The following AMELY variants were observed in gnomAD, a reference collection of about 807,000 sequenced individuals.
AMELY encodes amelogenin, Y isoform.
A neutral mutation model predicts 4.2 loss-of-function variants in AMELY; 4 were observed. The ratio of observed to expected loss-of-function variants is 0.96; its 90% CI spans 0.47 to 2.19. AMELY has a LOEUF of 2.19. Ranked by LOEUF, AMELY falls within the 30% of genes most tolerant of loss-of-function variation. AMELY has a pLI of 0.02. For missense variants in AMELY, 32 were observed against 41.5 expected (o/e 0.77, Z 0.63); for synonymous variants, 11 against 14.7 (o/e 0.75, Z 0.57).
chrY:6,905,156 G>A, intron 1 of AMELY, among the ~76,000 whole-genome samples: 6 of 33,503 alleles, frequency 1.8e-4, no homozygotes, highest in African/African-American at 7.0e-4. Context: ...CTTGATTAAT[G>A]GGCTGGAGTA....
At chrY:6,876,366 A>G in intron 1 of AMELY, among the ~76,000 whole-genome samples, 1 of 33,445 alleles carries the variant, frequency 3.0e-5, no homozygotes, top group South Asian at 6.8e-4. Context: ...AATATGTACA[A>G]CTTCCATGGA....
intron 1 of AMELY, among the ~76,000 whole-genome samples, chrY:6,877,464 A>G: frequency 3.0e-5 from 1 of 33,021 alleles, no homozygotes; most frequent in Non-Finnish European, 7.4e-5. Context: ...ATTGCCACAG[A>G]TGACACCCAT....
intron 1 of AMELY, among the ~76,000 whole-genome samples, chrY:6,883,959 C>G: frequency 6.2e-5 from 2 of 32,025 alleles, no homozygotes; most frequent in Non-Finnish European, 1.5e-4. Context: ...TTCAGATAAA[C>G]AATGATTTGT....
At chrY:6,905,550 T>C in intron 1 of AMELY, among the ~76,000 whole-genome samples, 1 of 26,955 alleles carries the variant, frequency 3.7e-5, no homozygotes, top group Non-Finnish European at 8.7e-5. Context: ...CCTTCCTTCT[T>C]TCTTTCTTCC....
chrY:6,899,921 T>A, intron 1 of AMELY, among the ~76,000 whole-genome samples: 2 of 33,283 alleles, frequency 6.0e-5, no homozygotes, highest in East Asian at 1.6e-3. Flanking sequence ...GGTGTTCACC[T>A]GTTATCCCAG....
chrY:6,866,827 C>A (rs1203826445), intron 6 of AMELY, among the ~76,000 whole-genome samples: 1 of 28,681 alleles, frequency 3.5e-5, no homozygotes, highest in Non-Finnish European at 8.1e-5. Flanking sequence ...TTTTTCCCTT[C>A]GTGTTTTTAG....
At chrY:6,875,726 C>T (rs911484518) in intron 1 of AMELY, among the ~76,000 whole-genome samples, 11 of 32,686 alleles carry the variant, frequency 3.4e-4, no homozygotes, top group Non-Finnish European at 6.0e-4. Context: ...CAGGCTTTAG[C>T]GTATTTGTAG....
At chrY:6,908,565 AACACACAC>A (rs757776328) in intron 1 of AMELY, among the ~76,000 whole-genome samples, 1 of 30,753 alleles carries the variant, frequency 3.3e-5, no homozygotes, top group Non-Finnish European at 7.9e-5. Flanking sequence ...AAATAACTGG[AACACACAC>A]ACACACACAC....
At chrY:6,878,209 G>T in intron 1 of AMELY, among the ~76,000 whole-genome samples, 1 of 33,075 alleles carries the variant, frequency 3.0e-5, no homozygotes, top group African/African-American at 1.2e-4. Context: ...ATAAGATTAT[G>T]ACATGGTGTC....
At chrY:6,891,378 G>A (rs770496985) in intron 1 of AMELY, among the ~76,000 whole-genome samples, 48 of 33,821 alleles carry the variant, frequency 1.4e-3, no homozygotes, top group Admixed American at 0.013. Context: ...CAGCCCCATC[G>A]TGTATCCCCC....
At chrY:6,871,270 G>A in intron 3 of AMELY, among the ~76,000 whole-genome samples, 1 of 32,917 alleles carries the variant, frequency 3.0e-5, no homozygotes, top group Non-Finnish European at 7.4e-5. Context: ...GTATATGCAG[G>A]CTGCTTGGCA....
intron 1 of AMELY, among the ~76,000 whole-genome samples, chrY:6,903,748 G>A (rs2011656572): frequency 5.9e-5 from 2 of 33,940 alleles, no homozygotes; most frequent in Admixed American, 5.3e-4. Flanking sequence ...AAGGCATTCC[G>A]TGAGTCCACA....
intron 1 of AMELY, among the ~76,000 whole-genome samples, chrY:6,892,366 G>A: frequency 6.0e-5 from 2 of 33,501 alleles, no homozygotes; most frequent in African/African-American, 2.3e-4. Context: ...CAAGCTCGCC[G>A]GGAAACTTTA....
chrY:6,885,399 C>T (rs1603022380), intron 1 of AMELY, among the ~76,000 whole-genome samples: 1 of 34,140 alleles, frequency 2.9e-5, no homozygotes, highest in Non-Finnish European at 7.3e-5. Flanking sequence ...GGCATGAGCC[C>T]AGGAGGCAGA....
intron 1 of AMELY, among the ~76,000 whole-genome samples, chrY:6,894,107 C>T: frequency 3.0e-5 from 1 of 32,919 alleles, no homozygotes; most frequent in Non-Finnish European, 7.4e-5. Context: ...CTAAAAACAC[C>T]CAGACAAAAG....
intron 1 of AMELY, among the ~76,000 whole-genome samples, chrY:6,877,677 G>A (rs1041770540): frequency 1.8e-4 from 6 of 32,536 alleles, no homozygotes; most frequent in Non-Finnish European, 3.0e-4. Context: ...TAAACAAGCC[G>A]TCCAGTGGTC....
At chrY:6,876,171 T>G in intron 1 of AMELY, among the ~76,000 whole-genome samples, 1 of 33,215 alleles carries the variant, frequency 3.0e-5, no homozygotes. Context: ...ATCTCTCCAT[T>G]TAGGTCTGCC....
Position 6,873,972 on chromosome Y carries a change from C to A in AMELY, c.-13G>T. Reference sequence around the variant, plus strand: ...AAAATAATATGTAAAATCCACATACCTTTAAATATATTCAGAGAAACTTTC... The same window carrying A: ...AAAATAATATGTAAAATCCACATACATTTAAATATATTCAGAGAAACTTTC... On this transcript the variant is annotated splice_region_variant and 5_prime_UTR_variant, in exon 2 of 7. Coordinates refer to ENST00000651267, the MANE Select transcript of AMELY (RefSeq NM_001143.2). 3 of 32,831 alleles carry A rather than the reference C, an allele frequency of 9.1e-5. No individual in the cohort carries two copies. Among genetic ancestry groups the A allele is most frequent in the Admixed American group, 8.5e-4 (3 of 3,546 alleles). 8.2% of individuals were successfully genotyped at this position (32,831 alleles called of 400,897 possible).
intron 1 of AMELY, among the ~76,000 whole-genome samples, chrY:6,883,326 C>T: frequency 6.1e-5 from 2 of 32,788 alleles, no homozygotes; most frequent in African/African-American, 1.2e-4. Context: ...TCATCATTCT[C>T]AGCAAACTGA....
Sources: gnomAD v4.1 joint callset for allele counts (sites outside exome capture counted in the v4.1 genomes callset) on GRCh38, gnomAD v4.1.1 for gene constraint, MANE v1.5 for transcripts, NCBI Gene and HGNC (gene_info 2026-07-23, HGNC 2026-07-21) for gene names.